Variants in INSL6 observed in about 807,000 individuals in gnomAD.
INSL6 encodes insulin-like peptide INSL6.
In INSL6, 16 loss-of-function variants were observed where a neutral mutation model predicts 9.4. That is an observed-to-expected ratio of 1.70 (90% CI 1.15 to 2.59). The LOEUF (loss-of-function observed/expected upper bound fraction) is 2.59. Ranked by LOEUF, INSL6 falls within the 30% of genes most tolerant of loss-of-function variation. The pLI, the probability that INSL6 is intolerant of heterozygous loss-of-function variation, is 0.00. For missense variants in INSL6, 391 were observed against 257.3 expected (o/e 1.52, Z -3.56); for synonymous variants, 154 against 96.9 (o/e 1.59, Z -3.46).
At chr9:5,134,043 A>G (rs761699217) in intron 2 of INSL6, among the ~76,000 whole-genome samples, 1 of 152,224 alleles carries the variant, frequency 6.6e-6, no homozygotes. Flanking sequence ...AACTTCATGA[A>G]GCATACACGA....
At chr9:5,159,048 C>T (rs1393366352), downstream of INSL6, among the ~76,000 whole-genome samples, 6 of 151,998 alleles carry the variant, frequency 3.9e-5, no homozygotes, top group Non-Finnish European at 8.8e-5. Flanking sequence ...TTTGTTTATG[C>T]ATCAGTATTA....
the INSL6 span, among the ~76,000 whole-genome samples, chr9:5,005,668 T>C: frequency 6.6e-6 from 1 of 152,240 alleles, no homozygotes; most frequent in Non-Finnish European, 1.5e-5. Flanking sequence ...GTTTATACTC[T>C]CATTTTAAGA....
intron 2 of INSL6, among the ~76,000 whole-genome samples, chr9:5,138,407 C>T (rs988017956): frequency 6.6e-6 from 1 of 152,132 alleles, no homozygotes; most frequent in Non-Finnish European, 1.5e-5. Context: ...CAGCCATCAA[C>T]AAGGATGAGT....
At chr9:5,032,897 A>C in the INSL6 span, among the ~76,000 whole-genome samples, 1 of 152,236 alleles carries the variant, frequency 6.6e-6, no homozygotes, top group Non-Finnish European at 1.5e-5. Flanking sequence ...CCGGATGGAG[A>C]ATGACTTTGA....
chr9:4,998,507 G>A, the INSL6 span, among the ~76,000 whole-genome samples: 704 of 152,158 alleles, frequency 4.6e-3, 4 homozygotes, highest in African/African-American at 0.016. Context: ...CGCCCGCCTT[G>A]GCCTCCCAAA....
chr9:5,072,309 CTT>C, the INSL6 span, among the ~76,000 whole-genome samples: 1 of 152,162 alleles, frequency 6.6e-6, no homozygotes, highest in Non-Finnish European at 1.5e-5. Context: ...TTTTCTGTCT[CTT>C]ATTACTATTT....
chr9:5,006,627 C>CAACAGGAA, the INSL6 span, among the ~76,000 whole-genome samples: 1 of 152,072 alleles, frequency 6.6e-6, no homozygotes, highest in Admixed American at 6.6e-5. Flanking sequence ...CTTCATACAG[C>CAACAGGAA]AACAGGAAAG....
At chr9:5,111,360 C>T in the INSL6 span, 19 of 344,296 alleles carry the variant, frequency 5.5e-5, 1 homozygote, top group South Asian at 3.9e-4. Flanking sequence ...CCGGTACTAC[C>T]CCTCCTACGC....
chr9:5,015,321 A>G, the INSL6 span, among the ~76,000 whole-genome samples: 3 of 152,236 alleles, frequency 2.0e-5, no homozygotes. Flanking sequence ...TGGTCTCTAG[A>G]GGATGCCTGG....
At chr9:5,085,853 C>G in the INSL6 span, 13 of 770,924 alleles carry the variant, frequency 1.7e-5, no homozygotes, top group African/African-American at 1.9e-4. Context: ...CAAAGTAGTA[C>G]TCAGAGATTT....
chr9:5,180,541 A>C (rs966318145), intron 1 of INSL6, among the ~76,000 whole-genome samples: 56 of 152,184 alleles, frequency 3.7e-4, no homozygotes, highest in African/African-American at 1.2e-3. Flanking sequence ...GGAGGTCTAT[A>C]AACAGCCGCT....
chr9:5,184,562 C>A (rs1415144247), intron 1 of INSL6, among the ~76,000 whole-genome samples: 2 of 152,164 alleles, frequency 1.3e-5, no homozygotes, highest in Admixed American at 6.5e-5. Flanking sequence ...CAAAAATATG[C>A]ATGAAATAGT....
At chr9:5,142,099 T>C (rs752183756) in intron 2 of INSL6, among the ~76,000 whole-genome samples, 9 of 152,218 alleles carry the variant, frequency 5.9e-5, no homozygotes, top group Admixed American at 4.6e-4. Context: ...ACCAGTACCA[T>C]ATTATTTTGG....
chr9:5,033,163 G>T, the INSL6 span, among the ~76,000 whole-genome samples: 1 of 152,158 alleles, frequency 6.6e-6, no homozygotes, highest in Non-Finnish European at 1.5e-5. Flanking sequence ...AAGATGAAAT[G>T]AATGAAATGA....
the INSL6 span, among the ~76,000 whole-genome samples, chr9:4,996,996 C>T: frequency 6.1e-5 from 9 of 146,586 alleles, no homozygotes; most frequent in African/African-American, 1.5e-4. Context: ...GGCTCGATCA[C>T]GGCTCACTGC....
At chr9:5,042,103 A>G in the INSL6 span, among the ~76,000 whole-genome samples, 1 of 143,684 alleles carries the variant, frequency 7.0e-6, no homozygotes, top group South Asian at 2.3e-4. Context: ...CACTTCCTTC[A>G]CGTAAGACTG....
the INSL6 span, among the ~76,000 whole-genome samples, chr9:5,072,788 G>T: frequency 4.0e-5 from 6 of 151,886 alleles, no homozygotes; most frequent in Non-Finnish European, 7.4e-5. Flanking sequence ...AGAATTACAG[G>T]GTTTGAAAAT....
At chr9:5,177,466 C>G (rs1181315333) in intron 1 of INSL6, among the ~76,000 whole-genome samples, 2 of 152,186 alleles carry the variant, frequency 1.3e-5, no homozygotes, top group African/African-American at 4.8e-5. Context: ...GTTCGACACA[C>G]AGAGCTGTGT....
the INSL6 span, among the ~76,000 whole-genome samples, chr9:5,046,379 G>A: frequency 6.6e-6 from 1 of 152,012 alleles, no homozygotes; most frequent in African/African-American, 2.4e-5. Flanking sequence ...TCTGTTGCTT[G>A]TCTTTTGATG....
Sources: gnomAD v4.1 joint callset for allele counts (sites outside exome capture counted in the v4.1 genomes callset) on GRCh38, gnomAD v4.1.1 for gene constraint, MANE v1.5 for transcripts, NCBI Gene and HGNC (gene_info 2026-07-23, HGNC 2026-07-21) for gene names.